The following PDE4B variants were observed in gnomAD, a reference collection of about 807,000 sequenced individuals.
PDE4B encodes 3',5'-cyclic-AMP phosphodiesterase 4B.
PDE4B carries 20 observed loss-of-function variants against 82.2 expected under a neutral mutation model. The observed-to-expected ratio is 0.24, with a 90% CI of 0.17 to 0.35. PDE4B has a LOEUF of 0.35. Among genes scored for constraint, PDE4B ranks in the 10% least tolerant of loss-of-function variants. The probability of loss-of-function intolerance (pLI) is 1.00; values close to 1 mark genes in which losing one functional copy is unlikely to be tolerated. For missense variants in PDE4B, 655 were observed against 907.2 expected, an observed-to-expected ratio of 0.72 and a Z score of 3.57; for synonymous variants, 320 against 318.9, an observed-to-expected ratio of 1.00 and a Z score of -0.04.
At chr1:65,970,812 A>T (rs1044446251) in intron 3 of PDE4B, among the ~76,000 whole-genome samples, 1 of 152,028 alleles carries the variant, frequency 6.6e-6, no homozygotes, top group Non-Finnish European at 1.5e-5. Flanking sequence ...AAGCAGCATG[A>T]GTGACTAAAT....
At chr1:65,797,443 T>G (rs969781298) in intron 1 of PDE4B, among the ~76,000 whole-genome samples, 3 of 152,142 alleles carry the variant, frequency 2.0e-5, no homozygotes, top group Admixed American at 2.0e-4. Context: ...ATCACTCTGT[T>G]TAGGGTAACA....
At chr1:66,093,535 C>T (rs1480833579) in intron 3 of PDE4B, among the ~76,000 whole-genome samples, 1 of 151,860 alleles carries the variant, frequency 6.6e-6, no homozygotes, top group Non-Finnish European at 1.5e-5. Flanking sequence ...GGGTCAGAGT[C>T]TTGATATCAA....
At chr1:66,011,429 A>C (rs1652481027) in intron 3 of PDE4B, among the ~76,000 whole-genome samples, 1 of 152,124 alleles carries the variant, frequency 6.6e-6, no homozygotes, top group South Asian at 2.1e-4. Context: ...TAGTGAGTAC[A>C]TAAACCAAAA....
At chr1:66,284,171 C>T (rs1407886746) in intron 7 of PDE4B, among the ~76,000 whole-genome samples, 1 of 152,146 alleles carries the variant, frequency 6.6e-6, no homozygotes, top group Non-Finnish European at 1.5e-5. Context: ...TAGTTGGGAG[C>T]AAGATCCTAT....
rs751786702 is a variant in PDE4B at position 66,368,030 on chromosome 1, G to A, written c.1627G>A (p.Val543Ile). 23 of 1,613,838 alleles carry A rather than the reference G, an allele frequency of 1.4e-5. No individual in the cohort carries two copies. Among genetic ancestry groups the A allele is most frequent in the East Asian group, 2.2e-5 (1 of 44,860 alleles). Residue 543 changes from valine to isoleucine, a missense_variant, in exon 15 of 17, where the codon GTT becomes ATT. Around this residue, in one of 3 missense-constraint regions of PDE4B, gnomAD observed 283 missense variants for 516.4 expected, o/e 0.55. Coordinates refer to ENST00000341517, the MANE Select transcript of PDE4B (RefSeq NM_002600.4). The stretch of plus-strand genomic sequence containing the variant: ...AACGAAGAAAGTTACAAGTTCAGGC[G>A]TTCTTCTCCTAGACAACTATACCGA... Reference protein sequence around the residue: ...VETKKVTSSGVLLLDNYTDRI... With the variant: ...VETKKVTSSGILLLDNYTDRI...
At chr1:65,829,784 G>A (rs1173487422) in intron 1 of PDE4B, among the ~76,000 whole-genome samples, 1 of 152,148 alleles carries the variant, frequency 6.6e-6, no homozygotes, top group Non-Finnish European at 1.5e-5. Flanking sequence ...TAACCAAGGG[G>A]AGGAGAAAAG....
chr1:66,197,349 A>G (rs915041597), intron 3 of PDE4B, among the ~76,000 whole-genome samples: 2 of 152,148 alleles, frequency 1.3e-5, no homozygotes, highest in Non-Finnish European at 2.9e-5. Flanking sequence ...TCTTGGCTTA[A>G]CAGAGATAAA....
chr1:65,895,506 C>A (rs1265192167), intron 1 of PDE4B, among the ~76,000 whole-genome samples: 7 of 145,640 alleles, frequency 4.8e-5, no homozygotes, highest in Admixed American at 4.3e-4. Flanking sequence ...GCTGAGATCA[C>A]GCCGCTGCAC....
At chr1:66,186,242 A>C (rs1325044374) in intron 3 of PDE4B, among the ~76,000 whole-genome samples, 2 of 151,966 alleles carry the variant, frequency 1.3e-5, no homozygotes, top group Non-Finnish European at 1.5e-5. Context: ...CTGTAGCCTC[A>C]TTGTATAATT....
intron 6 of PDE4B, 111 bp downstream of exon 6, chr1:66,257,974 G>T: frequency 1.4e-6 from 1 of 704,440 alleles, no homozygotes; most frequent in Non-Finnish European, 2.5e-6. Flanking sequence ...TCTAAGCTAA[G>T]TTAATATACA....
At chr1:66,159,255 T>G (rs1026050904) in intron 3 of PDE4B, among the ~76,000 whole-genome samples, 2 of 152,054 alleles carry the variant, frequency 1.3e-5, no homozygotes, top group African/African-American at 4.8e-5. Context: ...CTTTTTTTTT[T>G]TTTTTGAGAA....
chr1:66,354,748 G>A (rs1662102602), intron 8 of PDE4B: 1 of 1,479,230 alleles, frequency 6.8e-7, no homozygotes. Context: ...TTTTATCACT[G>A]AATCTGCAGG....
intron 1 of PDE4B, among the ~76,000 whole-genome samples, chr1:65,805,634 A>G (rs1404011161): frequency 6.6e-6 from 1 of 152,002 alleles, no homozygotes; most frequent in Non-Finnish European, 1.5e-5. Flanking sequence ...TGATAGGTGG[A>G]GCATATCTTC....
chr1:65,854,277 A>C (rs1231771708), intron 1 of PDE4B, among the ~76,000 whole-genome samples: 2 of 151,628 alleles, frequency 1.3e-5, no homozygotes. Flanking sequence ...ATTTTGTTTT[A>C]AAGAAATTAA....
chr1:65,991,739 T>A (rs1651255627), intron 3 of PDE4B, among the ~76,000 whole-genome samples: 1 of 152,204 alleles, frequency 6.6e-6, no homozygotes, highest in Non-Finnish European at 1.5e-5. Context: ...TGTCCGTAAG[T>A]CTCACTTGCA....
chr1:66,187,875 A>G (rs1367865626), intron 3 of PDE4B, among the ~76,000 whole-genome samples: 1 of 151,766 alleles, frequency 6.6e-6, no homozygotes. Context: ...GCCTTCTGCT[A>G]GCTTTTGAAA....
At chr1:65,940,696 A>T (rs1434528893) in intron 3 of PDE4B, among the ~76,000 whole-genome samples, 1 of 152,066 alleles carries the variant, frequency 6.6e-6, no homozygotes, top group African/African-American at 2.4e-5. Flanking sequence ...TGCTAGGTTG[A>T]TAGTGGTACC....
At position 66,079,379 on chromosome 1, in the gene PDE4B, AC is replaced by A. The variant is rs567429414; in HGVS notation, c.281+160547del. 5.0e-4 allele frequency among the ~76,000 whole-genome samples: 76 copies of A among 151,984 alleles called. No homozygotes were observed. The East Asian group carries it at 0.013, about 26-fold the overall frequency. ...GACTTGAGGGAGCTTGAGGATTTGG[AC>A]CCTTTATCTCTGTCATTTTGTATAT... On this transcript the variant is annotated intron_variant, in intron 3 of 16. Transcript: ENST00000341517.
intron 3 of PDE4B, among the ~76,000 whole-genome samples, chr1:66,141,252 A>C (rs554151446): frequency 3.7e-4 from 55 of 148,860 alleles, no homozygotes; most frequent in Admixed American, 7.5e-4. Context: ...GAGCTCTCAG[A>C]ATATTGGTTG....
Sources: allele counts gnomAD v4.1 joint callset (sites outside exome capture counted in the v4.1 genomes callset), GRCh38; gene constraint gnomAD v4.1.1; regional missense constraint gnomAD v4.1.1; transcripts MANE v1.5; gene names NCBI Gene and HGNC (gene_info 2026-07-23, HGNC 2026-07-21).